Variants in FURIN observed in about 807,000 individuals in gnomAD.
FURIN encodes the protein FES upstream region.
A neutral mutation model predicts 89.2 loss-of-function variants in FURIN; 18 were observed. That is an observed-to-expected ratio of 0.20 (90% CI 0.14 to 0.30). The LOEUF is 0.30. FURIN is among the 10% of genes least tolerant of loss of function. The pLI is 1.00. For synonymous variants in FURIN, 508 were observed against 466.4 expected, an observed-to-expected ratio of 1.09 and a Z score of -1.15; for missense variants, 879 against 1,100.5, an observed-to-expected ratio of 0.80 and a Z score of 2.85.
rs2031659312 is a variant in FURIN, at chr15:90,876,836, T to C, written c.373-60T>C. 6.3e-7 allele frequency: 1 copy of C among 1,579,938 alleles called. No homozygotes were observed. The highest frequency in any genetic ancestry group is 8.7e-7 in the Non-Finnish European group (1 of 1,152,484). On this transcript the variant is annotated intron_variant, in intron 4 of 15. Coordinates refer to ENST00000268171, the MANE Select transcript of FURIN (RefSeq NM_002569.4). This position sits in a 1 kb window ranked among gnomAD's most constrained non-coding sequence, Gnocchi z 5.0. Reference sequence around the variant, plus strand: ...ACGGGGGCAAAGGGATTCTTCAAGATGCTCCTAGCCTCACAAAACCAATCA... The same window carrying C: ...ACGGGGGCAAAGGGATTCTTCAAGACGCTCCTAGCCTCACAAAACCAATCA...
At chr15:90,874,553 T>G (rs185865641) in intron 1 of FURIN, among the ~76,000 whole-genome samples, 42 of 152,362 alleles carry the variant, frequency 2.8e-4, no homozygotes, top group African/African-American at 1.0e-3. Context: ...ACATGGCCCC[T>G]AAAAGCACCA....
At chr15:90,869,940 G>A (rs2031210764) in intron 1 of FURIN, among the ~76,000 whole-genome samples, 1 of 152,222 alleles carries the variant, frequency 6.6e-6, no homozygotes. Flanking sequence ...CTGACTGCTG[G>A]AGTATTGTTC....
At position 90,882,183 on chromosome 15, in the gene FURIN, G is replaced by T. The variant is rs530884164; in HGVS notation, c.*305G>T. 1.3e-4 allele frequency: 49 copies of T among 374,290 alleles called. No individual in the cohort carries two copies. The highest frequency in any genetic ancestry group is 9.0e-4 in the African/African-American group (42 of 46,638). 23.2% of individuals were successfully genotyped at this position (374,290 alleles called of 1,614,324 possible). On this transcript the variant is annotated 3_prime_UTR_variant, in exon 16 of 16. Coordinates refer to ENST00000268171, the MANE Select transcript of FURIN (RefSeq NM_002569.4). ...AGTTCCTGCGGAGTGAAGAGGGGCAGCCCTTGCTTGTTGGGATTCCTGACC... is the reference window on the plus strand; with the variant it reads ...AGTTCCTGCGGAGTGAAGAGGGGCATCCCTTGCTTGTTGGGATTCCTGACC...
At chr15:90,870,100 T>C (rs576471358) in intron 1 of FURIN, among the ~76,000 whole-genome samples, 1 of 152,346 alleles carries the variant, frequency 6.6e-6, no homozygotes, top group African/African-American at 2.4e-5. Context: ...TTTCCAGTTC[T>C]TGCAGTGTTT....
intron 1 of FURIN, among the ~76,000 whole-genome samples, chr15:90,874,573 G>T (rs970101430): frequency 1.3e-5 from 2 of 152,218 alleles, no homozygotes; most frequent in Non-Finnish European, 2.9e-5. Context: ...ATCCCATTTA[G>T]GGTCACCCAT....
At chr15:90,872,367 C>T (rs1040734199) in intron 1 of FURIN, among the ~76,000 whole-genome samples, 2 of 152,170 alleles carry the variant, frequency 1.3e-5, no homozygotes, top group Non-Finnish European at 2.9e-5. Flanking sequence ...TTCCCATCAT[C>T]CTCTACCCCC....
At chr15:90,877,248 T>C in intron 6 of FURIN, 37 bp downstream of exon 6, 1 of 1,488,218 alleles carries the variant, frequency 6.7e-7, no homozygotes, top group Non-Finnish European at 9.2e-7. Context: ...GCCTCCCTTC[T>C]CCTTTCTTCC....
Position 90,875,851 on chromosome 15 carries a change from C to T in FURIN, c.111C>T (p.Arg37=), listed in dbSNP as rs769092604. ...QKVFTNTWAV[R]IPGGPAVANS... ...TCTTCACCAACACGTGGGCTGTGCG[C>T]ATCCCTGGAGGCCCAGCGGTGGCCA... Residue 37 remains arginine (R), a synonymous_variant, in exon 2 of 16, where the codon CGC becomes CGT. Coordinates refer to ENST00000268171, the MANE Select transcript of FURIN (RefSeq NM_002569.4). 7.6e-6 allele frequency: 12 copies of T among 1,582,622 alleles called. No individual in the cohort carries two copies. The highest frequency in any genetic ancestry group is 1.0e-5 in the Non-Finnish European group (12 of 1,164,896).
At chr15:90,869,267 T>C (rs747953915) in intron 1 of FURIN, among the ~76,000 whole-genome samples, 3 of 152,002 alleles carry the variant, frequency 2.0e-5, no homozygotes, top group Non-Finnish European at 4.4e-5. Flanking sequence ...TAAGGTGGGA[T>C]CCAGAGGACC....
At position 90,880,800 on chromosome 15, in the gene FURIN, G is replaced by A. The variant is rs780282947; in HGVS notation, c.1666G>A (p.Glu556Lys). The A allele has an allele frequency of 5.0e-6, 8 of 1,613,456 alleles. No individual in the cohort carries two copies. Among genetic ancestry groups the A allele is most frequent in the Non-Finnish European group, 5.1e-6 (6 of 1,179,722 alleles). ...GGTCCTAGAGATTGAAAACACCAGC[G>A]AAGCCAACAACTATGGTACTGGGGG... ...EWVLEIENTS[E>K]ANNYGTLTKF... Residue 556 changes from glutamate (E) to lysine (K), a missense_variant, in exon 14 of 16, where the codon GAA (glutamate) becomes AAA (lysine). By Grantham distance (56) the Glu-to-Lys change is moderately conservative. Around this residue, in one of 5 missense-constraint regions of FURIN, gnomAD observed 457 missense variants for 490.7 expected, o/e 0.93. Transcript: ENST00000268171.
intron 13 of FURIN, 113 bp from the exon 14 acceptor site, chr15:90,880,578 C>T: frequency 1.7e-6 from 2 of 1,201,048 alleles, no homozygotes; most frequent in East Asian, 4.9e-5. Flanking sequence ...ACTTCTGGCC[C>T]CATGGGGTTG....
intron 12 of FURIN, 55 bp downstream of exon 12, chr15:90,880,039 G>A: frequency 1.2e-6 from 2 of 1,603,394 alleles, no homozygotes; most frequent in East Asian, 4.5e-5. Flanking sequence ...AGTCGCAGGG[G>A]GTGCCCGCTG....
Position 90,876,066 on chromosome 15 carries a change from G to A in FURIN, c.177+149G>A. 2 of 786,458 alleles carry A rather than the reference G, an allele frequency of 2.5e-6. No individual in the cohort carries two copies. The highest frequency in any genetic ancestry group is 1.7e-5 in the South Asian group (1 of 59,606). The allele number at this position is 786,458 out of a possible 1,614,324, so 48.7% of individuals were successfully genotyped here. The stretch of plus-strand genomic sequence containing the variant: ...CATGAGCAAAGCACAGGTGGTTCAG[G>A]CAAGCAGCATATCCCAGTGAGAGTG... On this transcript the variant is annotated intron_variant, in intron 2 of 15. Transcript: ENST00000268171. The surrounding 1 kb of genome is among the most constrained non-coding windows in gnomAD (Gnocchi z 5.0).
At position 90,876,068 on chromosome 15, in the gene FURIN, A is replaced by T. The variant is rs1245308947; in HGVS notation, c.177+151A>T. The T allele has an allele frequency of 1.3e-6, 1 of 782,702 alleles. No homozygotes were observed. The highest frequency in any genetic ancestry group is 2.1e-6 in the Non-Finnish European group (1 of 484,228). The allele number at this position is 782,702 out of a possible 1,614,324, so 48.5% of individuals were successfully genotyped here. A position where few individuals can be genotyped will look rare whatever the true frequency, so the allele number is the denominator to read the frequency against. ...TGAGCAAAGCACAGGTGGTTCAGGC[A>T]AGCAGCATATCCCAGTGAGAGTGAG... On this transcript the variant is annotated intron_variant, in intron 2 of 15. Coordinates refer to ENST00000268171, the MANE Select transcript of FURIN (RefSeq NM_002569.4). The surrounding 1 kb of genome is among the most constrained non-coding windows in gnomAD (Gnocchi z 5.0).
chr15:90,870,382 C>T (rs1487650263), intron 1 of FURIN, among the ~76,000 whole-genome samples: 1 of 152,080 alleles, frequency 6.6e-6, no homozygotes, highest in Non-Finnish European at 1.5e-5. Flanking sequence ...GTACTGTACC[C>T]ACCTCATGGG....
In FURIN at chr15:90,881,371, C is replaced by G; in HGVS notation, c.1878C>G (p.His626Gln). ...PGFAPQVLDT[H>Q]YSTENDVETI... is the part of the protein sequence containing the mutation. The stretch of plus-strand genomic sequence containing the variant: ...TCGCCCCCCAAGTCCTCGATACGCA[C>G]TATAGCACCGAGAATGACGTGGAGA... The change falls in exon 16 of 16, where the codon CAC becomes CAG. Residue 626 changes from histidine (H) to glutamine (Q), a missense_variant. Physicochemically the swap from His to Gln is conservative, Grantham distance 24 (BLOSUM62 0). This residue lies in a region of FURIN where 457 missense variants were observed against 490.7 expected (regional missense o/e 0.93). Transcript: ENST00000268171. The surrounding 1 kb of genome is among the most constrained non-coding windows in gnomAD (Gnocchi z 4.3). 6.2e-7 allele frequency: 1 copy of G among 1,613,008 alleles called. No homozygotes were observed. Among genetic ancestry groups the G allele is most frequent in the Non-Finnish European group, 8.5e-7 (1 of 1,179,898 alleles).
chr15:90,879,158 G>A (rs1185356126), intron 9 of FURIN, among the ~76,000 whole-genome samples, 182 bp downstream of exon 9: 2 of 152,190 alleles, frequency 1.3e-5, no homozygotes, highest in Non-Finnish European at 2.9e-5. Context: ...CATCTCTGAA[G>A]ACTTTGAAAA....
chr15:90,879,971 C>T lies in FURIN; in HGVS notation c.1363C>T (p.Leu455Phe), dbSNP rs765648982. ...CCAGCGGAAGTGCATCATCGACATCCTCACCGAGCCCAAGTGAGGGCTGGA... is the reference window on the plus strand; with the variant it reads ...CCAGCGGAAGTGCATCATCGACATCTTCACCGAGCCCAAGTGAGGGCTGGA... Reference protein sequence around the residue: ...APQRKCIIDILTEPKDIGKRL... With the variant: ...APQRKCIIDIFTEPKDIGKRL... Residue 455 changes from leucine (L) to phenylalanine (F), a missense_variant, in exon 12 of 16, where the codon CTC becomes TTC. Leu to Phe is a conservative substitution (Grantham distance 22). This residue lies in a region of FURIN where 457 missense variants were observed against 490.7 expected (regional missense o/e 0.93). Transcript: ENST00000268171. The T allele has an allele frequency of 2.2e-5, 36 of 1,612,600 alleles. No homozygotes were observed. The highest frequency in any genetic ancestry group is 3.4e-6 in the Non-Finnish European group (4 of 1,179,596).
chr15:90,878,557 G>A (rs909456157), intron 8 of FURIN, among the ~76,000 whole-genome samples: 4 of 152,280 alleles, frequency 2.6e-5, no homozygotes, highest in Non-Finnish European at 4.4e-5. Flanking sequence ...GGCCTCAAGC[G>A]ATCCTCCCGC....
Sources: gnomAD v4.1 joint callset for allele counts (sites outside exome capture counted in the v4.1 genomes callset) on GRCh38, gnomAD v4.1.1 for gene constraint, gnomAD v4.1.1 regional missense constraint, Gnocchi (gnomAD v3.1) non-coding constraint, MANE v1.5 for transcripts, NCBI Gene and HGNC (gene_info 2026-07-23, HGNC 2026-07-21) for gene names.